ELP1: variants seen among roughly 807,000 people sequenced by gnomAD.
ELP1 encodes the protein elongator acetyltransferase complex subunit 1, also known as elongator complex protein 1.
Under a neutral mutation model 183.2 loss-of-function variants are expected in ELP1, and 131 were observed. The ratio of observed to expected loss-of-function variants is 0.72; its 90% CI spans 0.62 to 0.83. ELP1 has a LOEUF of 0.83. ELP1 is among the 40% of genes least tolerant of loss of function. The pLI is 0.00. For synonymous variants in ELP1, 555 were observed against 569.0 expected (o/e 0.98, Z 0.35); for missense variants, 1,550 against 1,594.9 (o/e 0.97, Z 0.48).
intron 28 of ELP1, among the ~76,000 whole-genome samples, chr9:108,890,278 G>A (rs1326494225): frequency 6.6e-6 from 1 of 152,108 alleles, no homozygotes; most frequent in African/African-American, 2.4e-5. Flanking sequence ...TTTGGGAAAG[G>A]CTAATAACCA....
chr9:108,913,962 A>G (rs1829330290), intron 10 of ELP1, among the ~76,000 whole-genome samples: 1 of 152,192 alleles, frequency 6.6e-6, no homozygotes, highest in Admixed American at 6.5e-5. Flanking sequence ...GTTTTTAATT[A>G]AATACTTACG....
At chr9:108,927,980 A>C (rs2132046662) in intron 3 of ELP1, among the ~76,000 whole-genome samples, 1 of 152,360 alleles carries the variant, frequency 6.6e-6, no homozygotes, top group Middle Eastern at 3.4e-3. Flanking sequence ...TAGCACAACA[A>C]GGTAACTACA....
At position 108,878,024 on chromosome 9, in the gene ELP1, G is replaced by A. The variant is rs777536646; in HGVS notation, c.3826C>T (p.Leu1276Phe). The change falls in exon 35 of 37, where the codon CTT becomes TTT. Residue 1276 changes from leucine (L) to phenylalanine (F), a missense_variant. Coordinates refer to ENST00000374647, the MANE Select transcript of ELP1 (RefSeq NM_003640.5). ...GTAGCTGAATTCTGCTGGTAAGTAA[G>A]AGTCCAAATTTCTGGAAGTGACCTT... is the stretch of plus-strand genomic sequence containing the variant. ...MERSLPEIWT[L>F]TYQQNSATPV... The A allele has an allele frequency of 6.2e-7, 1 of 1,614,106 alleles. No homozygotes were observed. The highest frequency in any genetic ancestry group is 1.3e-5 in the African/African-American group (1 of 74,936).
rs138839552 is a variant in ELP1 at position 108,914,173 on chromosome 9, G to A, written c.959-1679C>T. On this transcript the variant is annotated intron_variant, in intron 10 of 36. Transcript: ENST00000374647. ...TCCCAGCACTTTGGGAGGCCGAGAC[G>A]GGCAGATCACGAGATGGAGATCGAG... is the stretch of plus-strand genomic sequence containing the variant. Among the ~76,000 whole-genome samples, 27 of 152,066 alleles carry A rather than the reference G, an allele frequency of 1.8e-4. No homozygotes were observed. The East Asian group carries it at 4.5e-3, about 25-fold the overall frequency.
intron 22 of ELP1, among the ~76,000 whole-genome samples, 175 bp downstream of exon 22, chr9:108,898,327 G>C (rs754580178): frequency 1.3e-5 from 2 of 152,124 alleles, no homozygotes; most frequent in Non-Finnish European, 2.9e-5. Context: ...TTTTAAACAG[G>C]CTGTTTTAAA....
intron 29 of ELP1, among the ~76,000 whole-genome samples, chr9:108,882,580 A>C (rs980104775): frequency 1.2e-4 from 18 of 148,378 alleles, no homozygotes. Flanking sequence ...CAATCTTCTA[A>C]ATTTTTTTTT....
chr9:108,912,317 C>A lies in ELP1; in HGVS notation c.1136G>T (p.Arg379Leu). The change falls in exon 11 of 37, where the codon CGG (arginine) becomes CTG (leucine). Residue 379 changes from arginine to leucine, a missense_variant. Coordinates refer to ENST00000374647, the MANE Select transcript of ELP1 (RefSeq NM_003640.5). ...LAYDWHWTTDRSVGDNSSDLS... is the reference protein window; with the variant it reads ...LAYDWHWTTDLSVGDNSSDLS... Reference sequence around the variant, plus strand: ...GTCACTTGAATTATCTCCCACGCTCCGGTCAGTCGTCCAGTGCCAATCATA... The same window carrying A: ...GTCACTTGAATTATCTCCCACGCTCAGGTCAGTCGTCCAGTGCCAATCATA... The A allele has an allele frequency of 6.2e-7, 1 of 1,614,174 alleles. No individual in the cohort carries two copies. The highest frequency in any genetic ancestry group is 8.5e-7 in the Non-Finnish European group (1 of 1,180,022).
rs769516004 is a variant in ELP1 at position 108,916,222 on chromosome 9, A to G, written c.940T>C (p.Ser314Pro). The G allele has an allele frequency of 1.2e-6, 2 of 1,614,044 alleles. No homozygotes were observed. The highest frequency in any genetic ancestry group is 1.3e-5 in the African/African-American group (1 of 75,038). ...GTCTTACCACAGGTTTTCGGAATGG[A>G]GCTTTCTTCTCTCTGAAGGTCTTCC... The part of the protein sequence containing the change: ...WLEDLQREES[S>P]IPKTCVQLWT... Residue 314 changes from serine to proline, a missense_variant, in exon 10 of 37, where the codon TCC (serine) becomes CCC (proline). Transcript: ENST00000374647.
intron 6 of ELP1, among the ~76,000 whole-genome samples, chr9:108,921,962 T>C (rs186499158): frequency 6.6e-6 from 1 of 152,314 alleles, no homozygotes; most frequent in East Asian, 1.9e-4. Context: ...AAGGAGACAT[T>C]ATGTTGTCCA....
At chr9:108,908,196 T>C in intron 13 of ELP1, 109 bp downstream of exon 13, 1 of 820,488 alleles carries the variant, frequency 1.2e-6, no homozygotes, top group Non-Finnish European at 2.1e-6. Context: ...GTTGTCTTTA[T>C]TTCTTGTTCC....
At position 108,868,744 on chromosome 9, in the gene ELP1, C is replaced by A; in HGVS notation, c.*371G>T. 1.8e-6 allele frequency: 1 copy of A among 548,056 alleles called. No individual in the cohort carries two copies. The highest frequency in any genetic ancestry group is 3.2e-6 in the Non-Finnish European group (1 of 311,872). The allele number at this position is 548,056 out of a possible 1,614,324, so 33.9% of individuals were successfully genotyped here. ...CTAATAGCCATTGTAATCTTCTCCG[C>A]CAACAAAATAAGACAATTTAGAAAC... On this transcript the variant is annotated 3_prime_UTR_variant, in exon 37 of 37. Transcript: ENST00000374647.
Position 108,909,230 on chromosome 9 carries a change from A to G in ELP1, c.1361-826T>C, listed in dbSNP as rs144792378. Reference sequence around the variant, plus strand: ...CTTATTTTGCTTAATTTTTCTCCACAGCACTTGCCATCTGATAGATCATAT... The same window carrying G: ...CTTATTTTGCTTAATTTTTCTCCACGGCACTTGCCATCTGATAGATCATAT... On this transcript the variant is annotated intron_variant, in intron 12 of 36. Coordinates refer to ENST00000374647, the MANE Select transcript of ELP1 (RefSeq NM_003640.5). Among the ~76,000 whole-genome samples, 322 of 152,180 alleles carry G rather than the reference A, an allele frequency of 2.1e-3. 3 individuals carry two copies. Among genetic ancestry groups the G allele is most frequent in the African/African-American group, 7.2e-3 (297 of 41,520 alleles).
At chr9:108,893,843 G>A in intron 26 of ELP1, 100 bp downstream of exon 26, 1 of 1,272,426 alleles carries the variant, frequency 7.9e-7, no homozygotes, top group Non-Finnish European at 1.1e-6. Context: ...GGAGTGGGAA[G>A]TGAAATCAGT....
At chr9:108,913,552 G>A (rs1391313394) in intron 10 of ELP1, among the ~76,000 whole-genome samples, 1 of 150,610 alleles carries the variant, frequency 6.6e-6, no homozygotes, top group Non-Finnish European at 1.5e-5. Flanking sequence ...GTCTCAAACC[G>A]CATTATTACA....
At chr9:108,903,829 AC>A (rs1262587624) in intron 14 of ELP1, among the ~76,000 whole-genome samples, 160 bp from the exon 15 acceptor site, 5 of 44,292 alleles carry the variant, frequency 1.1e-4, no homozygotes, top group Admixed American at 3.3e-4. Context: ...TACTATACAC[AC>A]ACACACACAC....
At chr9:108,894,140 T>C (rs901675718) in intron 25 of ELP1, 74 bp from the exon 26 acceptor site, 9 of 887,352 alleles carry the variant, frequency 1.0e-5, no homozygotes, top group South Asian at 1.6e-5. Flanking sequence ...CATTTACATA[T>C]AGCAATAAAC....
Position 108,911,022 on chromosome 9 carries a change from C to T in ELP1, c.1348G>A (p.Val450Ile), listed in dbSNP as rs1344156465. The change falls in exon 12 of 37, where the codon GTT becomes ATT. Residue 450 changes from valine to isoleucine, a missense_variant. By Grantham distance (29) the Val-to-Ile change is conservative. Coordinates refer to ENST00000374647, the MANE Select transcript of ELP1 (RefSeq NM_003640.5). Reference protein sequence around the residue: ...AVLDASNQISVYKCGDCPSAD... With the variant: ...AVLDASNQISIYKCGDCPSAD... ...TTTTATAACATACCACATTTATAAACAGAAATCTGGTTACTGGCATCTAGA... is the reference window on the plus strand; with the variant it reads ...TTTTATAACATACCACATTTATAAATAGAAATCTGGTTACTGGCATCTAGA... 1 of 1,613,866 alleles carries T rather than the reference C, an allele frequency of 6.2e-7. No homozygotes were observed. Among genetic ancestry groups the T allele is most frequent in the Admixed American group, 1.7e-5 (1 of 59,992 alleles).
At chr9:108,908,819 A>C (rs1829108984) in intron 12 of ELP1, among the ~76,000 whole-genome samples, 1 of 152,200 alleles carries the variant, frequency 6.6e-6, no homozygotes, top group African/African-American at 2.4e-5. Flanking sequence ...CCTCTGTTCT[A>C]AGCCCTCTGG....
intron 36 of ELP1, among the ~76,000 whole-genome samples, chr9:108,872,788 G>GAT (rs1422792734): frequency 9.3e-6 from 1 of 107,338 alleles, no homozygotes; most frequent in Non-Finnish European, 1.7e-5. Context: ...CTGGGCCACA[G>GAT]AGCAAGACTC....
Sources: allele counts gnomAD v4.1 joint callset (sites outside exome capture counted in the v4.1 genomes callset), GRCh38; gene constraint gnomAD v4.1.1; transcripts MANE v1.5; gene names NCBI Gene and HGNC (gene_info 2026-07-23, HGNC 2026-07-21).